The following CDKAL1 variants were observed in gnomAD, a reference collection of about 807,000 sequenced individuals.
CDKAL1 encodes the protein CDKAL1 threonylcarbamoyladenosine tRNA methylthiotransferase, also known as threonylcarbamoyladenosine tRNA methylthiotransferase.
CDKAL1 carries 32 observed loss-of-function variants against 68.2 expected under a neutral mutation model. The observed-to-expected ratio is 0.47, with a 90% CI of 0.35 to 0.63. The LOEUF (loss-of-function observed/expected upper bound fraction) is 0.63, where lower values mean the gene tolerates loss of function less well. Among genes scored for constraint, CDKAL1 ranks in the 30% least tolerant of loss-of-function variants. The probability of loss-of-function intolerance (pLI) is 0.00; values close to 1 mark genes in which losing one functional copy is unlikely to be tolerated. For missense variants in CDKAL1, 606 were observed against 696.7 expected (o/e 0.87, Z 1.47); for synonymous variants, 234 against 244.3 (o/e 0.96, Z 0.39).
At chr6:21,053,059 G>T (rs1406382911) in intron 11 of CDKAL1, among the ~76,000 whole-genome samples, 1 of 152,068 alleles carries the variant, frequency 6.6e-6, no homozygotes, top group Non-Finnish European at 1.5e-5. Context: ...ATGCAGTTGT[G>T]CAACTATCAT....
intron 12 of CDKAL1, among the ~76,000 whole-genome samples, chr6:21,066,482 A>T (rs1771446244): frequency 6.6e-6 from 1 of 152,230 alleles, no homozygotes; most frequent in Non-Finnish European, 1.5e-5. Flanking sequence ...ACATACAGCA[A>T]AATTCACTCT....
intron 1 of CDKAL1, among the ~76,000 whole-genome samples, chr6:20,534,857 C>T (rs1046258689): frequency 3.9e-5 from 6 of 152,150 alleles, no homozygotes; most frequent in South Asian, 2.1e-4. Flanking sequence ...CACTTTATAC[C>T]TTAGTGAATT....
chr6:20,838,287 C>T (rs1194521081), intron 8 of CDKAL1, among the ~76,000 whole-genome samples: 3 of 152,058 alleles, frequency 2.0e-5, no homozygotes, highest in African/African-American at 7.2e-5. Flanking sequence ...GTTCCTGTTT[C>T]GTTTTCAGCT....
intron 2 of CDKAL1, among the ~76,000 whole-genome samples, chr6:20,544,855 C>T (rs1224637445): frequency 2.0e-5 from 3 of 151,906 alleles, no homozygotes; most frequent in Non-Finnish European, 2.9e-5. Context: ...CCCTCCAGGT[C>T]CTTCTCTGAT....
intron 13 of CDKAL1, among the ~76,000 whole-genome samples, chr6:21,142,039 C>CA (rs901203693): frequency 6.7e-6 from 1 of 150,328 alleles, no homozygotes. Context: ...TTTTTTTTTC[C>CA]AAAAAAAAGA....
At chr6:21,023,262 T>G (rs1160095106) in intron 11 of CDKAL1, among the ~76,000 whole-genome samples, 2 of 152,172 alleles carry the variant, frequency 1.3e-5, no homozygotes, top group Non-Finnish European at 2.9e-5. Context: ...TCCGAGGTGA[T>G]TTAAAGTCCA....
At chr6:20,542,574 T>TCC (rs147671979) in intron 2 of CDKAL1, among the ~76,000 whole-genome samples, 32 of 151,548 alleles carry the variant, frequency 2.1e-4, no homozygotes, top group African/African-American at 7.5e-4. Context: ...ACGAGTGTAT[T>TCC]CCCCCCCCAT....
At chr6:21,013,001 A>G (rs1768106496) in intron 11 of CDKAL1, among the ~76,000 whole-genome samples, 1 of 152,162 alleles carries the variant, frequency 6.6e-6, no homozygotes, top group African/African-American at 2.4e-5. Context: ...TTTTGAACCT[A>G]AAGACCCTGT....
At chr6:21,153,243 T>TG (rs1434518715) in intron 13 of CDKAL1, among the ~76,000 whole-genome samples, 2 of 148,558 alleles carry the variant, frequency 1.3e-5, no homozygotes, top group East Asian at 3.9e-4. Flanking sequence ...TTCTTTTTTT[T>TG]TTTTTTTTTT....
intron 9 of CDKAL1, among the ~76,000 whole-genome samples, chr6:20,902,874 C>T (rs1762069507): frequency 6.6e-6 from 1 of 152,036 alleles, no homozygotes; most frequent in Non-Finnish European, 1.5e-5. Flanking sequence ...TGGGACAGAA[C>T]CCATCCAGGA....
chr6:20,738,853 T>C (rs2150323428), intron 5 of CDKAL1, among the ~76,000 whole-genome samples: 1 of 152,324 alleles, frequency 6.6e-6, no homozygotes, highest in East Asian at 1.9e-4. Flanking sequence ...ATTTCACATC[T>C]AGGTTTCTGT....
intron 15 of CDKAL1, among the ~76,000 whole-genome samples, chr6:21,223,330 T>G (rs1000257098): frequency 1.3e-5 from 2 of 152,218 alleles, no homozygotes; most frequent in Admixed American, 1.3e-4. Context: ...TTTGGGCAAG[T>G]GACTTAAAGA....
chr6:20,683,707 C>T (rs912331116), intron 5 of CDKAL1, among the ~76,000 whole-genome samples: 2 of 152,168 alleles, frequency 1.3e-5, no homozygotes, highest in African/African-American at 4.8e-5. Context: ...GATGAACCTA[C>T]GTTGACACAT....
intron 9 of CDKAL1, among the ~76,000 whole-genome samples, chr6:20,862,095 G>A (rs1183377444): frequency 1.3e-5 from 2 of 152,122 alleles, no homozygotes; most frequent in African/African-American, 4.8e-5. Context: ...AGATTAGTTA[G>A]ATAAATTGAG....
intron 4 of CDKAL1, among the ~76,000 whole-genome samples, chr6:20,628,224 C>G (rs1325914864): frequency 6.6e-6 from 1 of 152,076 alleles, no homozygotes; most frequent in Non-Finnish European, 1.5e-5. Flanking sequence ...GATGTTACCT[C>G]TGGGATTTTT....
At chr6:20,572,303 A>G (rs1764736163) in intron 4 of CDKAL1, among the ~76,000 whole-genome samples, 1 of 152,164 alleles carries the variant, frequency 6.6e-6, no homozygotes, top group Non-Finnish European at 1.5e-5. Flanking sequence ...CCTGTATTTG[A>G]GAGCTGTTTT....
At chr6:20,617,552 T>C (rs536421683) in intron 4 of CDKAL1, among the ~76,000 whole-genome samples, 1 of 152,316 alleles carries the variant, frequency 6.6e-6, no homozygotes, top group South Asian at 2.1e-4. Flanking sequence ...TTTCTCCTAA[T>C]GTTATCCCTC....
At chr6:21,224,405 T>C (rs2151127216) in intron 15 of CDKAL1, among the ~76,000 whole-genome samples, 1 of 152,242 alleles carries the variant, frequency 6.6e-6, no homozygotes, top group East Asian at 1.9e-4. Context: ...CACGCGCTAC[T>C]CGGGAGGCTC....
At position 20,665,242 on chromosome 6, in the gene CDKAL1, T is replaced by C. The variant is rs952165572; in HGVS notation, c.371+15865T>C. On this transcript the variant is annotated intron_variant, in intron 5 of 15. Transcript: ENST00000274695. Reference sequence around the variant, plus strand: ...TTTTGCAACGTACCCTTTATTATACTGAAGTGAAAATCTTGAATAATATAA... The same window carrying C: ...TTTTGCAACGTACCCTTTATTATACCGAAGTGAAAATCTTGAATAATATAA... Among the ~76,000 whole-genome samples, 4 of 152,142 alleles carry C rather than the reference T, an allele frequency of 2.6e-5. No homozygotes were observed. The East Asian group carries it at 7.7e-4, about 29-fold the overall frequency.
Sources: gnomAD v4.1 joint callset for allele counts (sites outside exome capture counted in the v4.1 genomes callset) on GRCh38, gnomAD v4.1.1 for gene constraint, MANE v1.5 for transcripts, NCBI Gene and HGNC (gene_info 2026-07-23, HGNC 2026-07-21) for gene names.